CSMD1: variants seen among roughly 807,000 people sequenced by gnomAD.
The protein encoded by CSMD1 is CUB and sushi domain-containing protein 1.
CSMD1 carries 213 observed loss-of-function variants against 417.5 expected under a neutral mutation model. The ratio of observed to expected loss-of-function variants is 0.51; its 90% confidence interval spans 0.46 to 0.57. The LOEUF is 0.57. Ranked by LOEUF, CSMD1 falls within the 20% of genes least tolerant of loss-of-function variation. The pLI, the probability that CSMD1 is intolerant of heterozygous loss-of-function variation, is 0.00. For synonymous variants in CSMD1, 2,862 were observed against 1,736.8 expected (o/e 1.65, Z -16.11); for missense variants, 6,923 against 4,529.7 (o/e 1.53, Z -15.17).
At chr8:4,696,358 TA>T (rs1274161192) in intron 1 of CSMD1, among the ~76,000 whole-genome samples, 1 of 152,202 alleles carries the variant, frequency 6.6e-6, no homozygotes, top group Non-Finnish European at 1.5e-5. Flanking sequence ...TCATCTACTA[TA>T]AACTAAGGCC....
At chr8:3,981,115 T>C (rs886799281) in intron 5 of CSMD1, among the ~76,000 whole-genome samples, 3 of 152,204 alleles carry the variant, frequency 2.0e-5, no homozygotes, top group Non-Finnish European at 4.4e-5. Flanking sequence ...CATGCTGAAA[T>C]GTCAGGAGTC....
At chr8:4,375,658 G>C (rs902973810) in intron 3 of CSMD1, among the ~76,000 whole-genome samples, 2 of 152,140 alleles carry the variant, frequency 1.3e-5, no homozygotes, top group Non-Finnish European at 2.9e-5. Flanking sequence ...CTGGTGGAAG[G>C]ATAAGGGAGG....
At chr8:3,740,316 G>T (rs1796731686) in intron 6 of CSMD1, among the ~76,000 whole-genome samples, 1 of 152,178 alleles carries the variant, frequency 6.6e-6, no homozygotes, top group South Asian at 2.1e-4. Flanking sequence ...ATGTTGGACA[G>T]GCTGGTCTCG....
At chr8:3,582,241 C>T (rs1173929413) in intron 9 of CSMD1, among the ~76,000 whole-genome samples, 1 of 152,122 alleles carries the variant, frequency 6.6e-6, no homozygotes, top group African/African-American at 2.4e-5. Context: ...TTTTCCTGGA[C>T]ACTGTAGATA....
chr8:3,318,047 C>T lies in CSMD1; in HGVS notation c.3632-9544G>A, dbSNP rs570392783. ...AAACCCTGGGTTCAAGTGATCTGCC[C>T]ACCTTGGCCTCCCAAAATGTTGGGA... On this transcript the variant is annotated intron_variant, in intron 23 of 69. Coordinates refer to ENST00000635120, the MANE Select transcript of CSMD1 (RefSeq NM_033225.6). Among the ~76,000 whole-genome samples, 36 of 152,292 alleles carry T rather than the reference C, an allele frequency of 2.4e-4. No individual in the cohort carries two copies. The South Asian group carries it at 2.9e-3, about 12-fold the overall frequency.
Position 3,555,482 on chromosome 8 carries a change from T to C in CSMD1, c.1344+19463A>G, listed in dbSNP as rs1303304956. ...GTCAGAAGGTGGAGGTGAAGTGGGA[T>C]GCTGACAGGTTTAAATTCTATGCAC... is the stretch of plus-strand genomic sequence containing the variant. On this transcript the variant is annotated intron_variant, in intron 10 of 69. Transcript: ENST00000635120. Among the ~76,000 whole-genome samples, 4 of 152,326 alleles carry C rather than the reference T, an allele frequency of 2.6e-5. No individual in the cohort carries two copies. The East Asian group carries it at 7.7e-4, about 29-fold the overall frequency.
intron 3 of CSMD1, among the ~76,000 whole-genome samples, chr8:4,035,023 C>A (rs1056262920): frequency 2.6e-5 from 4 of 152,058 alleles, no homozygotes; most frequent in African/African-American, 9.7e-5. Context: ...TTATTTTTTT[C>A]AATTAACTTT....
intron 2 of CSMD1, among the ~76,000 whole-genome samples, chr8:4,613,028 G>T (rs959814220): frequency 6.6e-6 from 1 of 152,130 alleles, no homozygotes; most frequent in Non-Finnish European, 1.5e-5. Flanking sequence ...TTCAGTGTAA[G>T]GGGGCTAGAG....
intron 3 of CSMD1, among the ~76,000 whole-genome samples, chr8:4,039,901 T>G (rs1384712282): frequency 1.3e-5 from 2 of 152,198 alleles, no homozygotes; most frequent in Admixed American, 1.3e-4. Context: ...AGTTTCTACA[T>G]CTTAGAAAGG....
rs75408304 is a variant in CSMD1 at position 4,387,272 on chromosome 8, G to C, written c.415+32681C>G. 7.9e-5 allele frequency among the ~76,000 whole-genome samples: 12 copies of C among 152,056 alleles called. No homozygotes were observed. In the East Asian group the frequency reaches 2.3e-3, roughly 29 times the overall value. The stretch of plus-strand genomic sequence containing the variant: ...ATCATTTTCTTAAGCTATAGGAGCA[G>C]ACTTTTTAAATTAAGTCACTCTACT... On this transcript the variant is annotated intron_variant, in intron 3 of 69. Coordinates refer to ENST00000635120, the MANE Select transcript of CSMD1 (RefSeq NM_033225.6).
intron 7 of CSMD1, among the ~76,000 whole-genome samples, chr8:3,628,171 G>C (rs1280006098): frequency 6.6e-6 from 1 of 152,148 alleles, no homozygotes; most frequent in African/African-American, 2.4e-5. Flanking sequence ...TTTGGTTACT[G>C]AATCTCTACC....
chr8:3,456,595 C>G (rs79023119), intron 12 of CSMD1, among the ~76,000 whole-genome samples: 1 of 152,120 alleles, frequency 6.6e-6, no homozygotes, highest in African/African-American at 2.4e-5. Flanking sequence ...AACCTAGTTG[C>G]GTTCTCTCCT....
intron 3 of CSMD1, among the ~76,000 whole-genome samples, chr8:4,278,719 T>C (rs955513731): frequency 6.6e-6 from 1 of 152,340 alleles, no homozygotes; most frequent in Non-Finnish European, 1.5e-5. Flanking sequence ...GCTTGTAACT[T>C]GCTGCCACTA....
intron 55 of CSMD1, among the ~76,000 whole-genome samples, chr8:2,975,294 T>C (rs546180554): frequency 6.6e-6 from 1 of 152,352 alleles, no homozygotes; most frequent in South Asian, 2.1e-4. Flanking sequence ...GCAAACTCTG[T>C]AATCCAGATT....
At position 4,639,001 on chromosome 8, in the gene CSMD1, T is replaced by G. The variant is rs1310879202; in HGVS notation, c.86-1443A>C. On this transcript the variant is annotated intron_variant, in intron 1 of 69. Transcript: ENST00000635120. ...CAGGCTTCCTGCAAGAACCAAGCGC[T>G]GAAAGAACAGCTCTGGGAGATTAGT... is the stretch of plus-strand genomic sequence containing the variant. Among the ~76,000 whole-genome samples the G allele has an allele frequency of 2.0e-5, 3 of 152,282 alleles. No individual in the cohort carries two copies. In the South Asian group the frequency reaches 6.2e-4, roughly 32 times the overall value.
At chr8:3,199,965 T>C (rs1284842471) in intron 32 of CSMD1, among the ~76,000 whole-genome samples, 156 bp from the exon 33 acceptor site, 1 of 152,210 alleles carries the variant, frequency 6.6e-6, no homozygotes, top group Non-Finnish European at 1.5e-5. Context: ...ATGTTGTTTT[T>C]ATAAAGATTA....
At chr8:4,552,222 T>C (rs1250113944) in intron 2 of CSMD1, among the ~76,000 whole-genome samples, 1 of 152,200 alleles carries the variant, frequency 6.6e-6, no homozygotes. Context: ...GGTCTCAATG[T>C]GAGCCTCCCT....
intron 3 of CSMD1, among the ~76,000 whole-genome samples, chr8:4,054,768 G>A (rs1276905377): frequency 2.0e-5 from 3 of 152,236 alleles, no homozygotes; most frequent in South Asian, 4.1e-4. Context: ...GGTTGATGAT[G>A]ACATCTACCT....
intron 3 of CSMD1, among the ~76,000 whole-genome samples, chr8:4,304,185 G>A (rs148928354): frequency 2.0e-5 from 3 of 152,124 alleles, no homozygotes; most frequent in Non-Finnish European, 2.9e-5. Context: ...AAATTTGGGA[G>A]AATAAGCCAG....
Sources: gnomAD v4.1 joint callset for allele counts (sites outside exome capture counted in the v4.1 genomes callset) on GRCh38, gnomAD v4.1.1 for gene constraint, MANE v1.5 for transcripts, NCBI Gene and HGNC (gene_info 2026-07-23, HGNC 2026-07-21) for gene names.